The following DNAH3 variants were observed in gnomAD, a reference collection of about 807,000 sequenced individuals.
DNAH3 encodes dynein axonemal heavy chain 3.
A neutral mutation model predicts 432.5 loss-of-function variants in DNAH3; 332 were observed. The observed-to-expected ratio is 0.77, with a 90% CI of 0.70 to 0.84. The LOEUF is 0.84. Among genes scored for constraint, DNAH3 ranks in the 40% least tolerant of loss-of-function variants. The pLI, the probability that DNAH3 is intolerant of heterozygous loss-of-function variation, is 0.00. For synonymous variants in DNAH3, 1,956 were observed against 1,900.2 expected, an observed-to-expected ratio of 1.03 and a Z score of -0.76; for missense variants, 4,861 against 5,114.0, an observed-to-expected ratio of 0.95 and a Z score of 1.51.
intron 21 of DNAH3, among the ~76,000 whole-genome samples, chr16:21,071,095 G>T: frequency 6.6e-6 from 1 of 150,618 alleles, no homozygotes; most frequent in East Asian, 2.0e-4. Flanking sequence ...CAGGCTGGAG[G>T]GCACCAGCAG....
Position 21,132,715 on chromosome 16 carries a change from T to C in DNAH3, c.1082+1544A>G, listed in dbSNP as rs1296232037. 2.0e-5 allele frequency among the ~76,000 whole-genome samples: 3 copies of C among 152,110 alleles called. No homozygotes were observed. In the East Asian group the frequency reaches 5.8e-4, roughly 29 times the overall value. ...CAAATCCATAGAGACAGAAAATCACTTAGTGGTTGGGAGGAAATGGGGGAA... is the reference window on the plus strand; with the variant it reads ...CAAATCCATAGAGACAGAAAATCACCTAGTGGTTGGGAGGAAATGGGGGAA... On this transcript the variant is annotated intron_variant, in intron 7 of 61. Transcript: ENST00000261383.
Position 21,154,812 on chromosome 16 carries a change from C to T in DNAH3, c.117+4513G>A, listed in dbSNP as rs115887683. On this transcript the variant is annotated intron_variant, in intron 1 of 61. Coordinates refer to ENST00000261383, the Ensembl canonical transcript of DNAH3. ...TGAGGAAAGGTGGAAAATAAAGTATCTGCCAAAGAGAGTGAAAGTGACTTC... is the reference window on the plus strand; with the variant it reads ...TGAGGAAAGGTGGAAAATAAAGTATTTGCCAAAGAGAGTGAAAGTGACTTC... Among the ~76,000 whole-genome samples, 766 of 152,310 alleles carry T rather than the reference C, an allele frequency of 5.0e-3. 5 individuals carry two copies. The highest frequency in any genetic ancestry group is 0.017 in the African/African-American group (701 of 41,568).
chr16:21,142,250 C>A (rs1459856325), intron 3 of DNAH3, among the ~76,000 whole-genome samples: 1 of 151,948 alleles, frequency 6.6e-6, no homozygotes, highest in African/African-American at 2.4e-5. Context: ...GCCTGTAATC[C>A]CAGCTACTCA....
exon 53 of DNAH3, chr16:20,963,966 AAAG>A (rs747310830): frequency 1.2e-6 from 2 of 1,614,174 alleles, no homozygotes; most frequent in Non-Finnish European, 1.7e-6. Flanking sequence ...CCGAGATACA[AAAG>A]AAGATGGTGG....
chr16:20,935,298 T>TTCCTTTG (rs891158823), intron 61 of DNAH3, 50 bp downstream of exon 61: 1 of 1,601,602 alleles, frequency 6.2e-7, no homozygotes, highest in African/African-American at 1.3e-5. Context: ...TTGGCAACAT[T>TTCCTTTG]GCTTTCTCTG....
At chr16:21,005,463 C>A (rs2087249755) in intron 41 of DNAH3, among the ~76,000 whole-genome samples, 1 of 151,996 alleles carries the variant, frequency 6.6e-6, no homozygotes, top group Admixed American at 6.6e-5. Context: ...TTCACTACAG[C>A]CTCAACCTCC....
At chr16:21,088,541 G>A (rs1009897239) in intron 18 of DNAH3, among the ~76,000 whole-genome samples, 1 of 152,168 alleles carries the variant, frequency 6.6e-6, no homozygotes, top group African/African-American at 2.4e-5. Context: ...TACAACAAGA[G>A]AGAAGAACAT....
intron 18 of DNAH3, among the ~76,000 whole-genome samples, chr16:21,088,283 T>G (rs1264753274): frequency 6.6e-6 from 1 of 152,152 alleles, no homozygotes; most frequent in Admixed American, 6.6e-5. Context: ...AACAAGTGAG[T>G]AGCCTGTACT....
chr16:21,075,494 A>G, exon 21 of DNAH3: 1 of 1,614,072 alleles, frequency 6.2e-7, no homozygotes, highest in Non-Finnish European at 8.5e-7. Context: ...ACCCAATCCA[A>G]CTTCATTCTA....
chr16:20,989,088 G>C (rs1037699560), intron 44 of DNAH3, among the ~76,000 whole-genome samples: 5 of 152,222 alleles, frequency 3.3e-5, no homozygotes, highest in Non-Finnish European at 7.3e-5. Flanking sequence ...AGCTTCCACA[G>C]TGCGGAAAGA....
chr16:20,965,072 C>T (rs986667898), exon 53 of DNAH3: 7 of 1,614,006 alleles, frequency 4.3e-6, no homozygotes, highest in Non-Finnish European at 5.9e-6. Context: ...TCATTCAGGG[C>T]CTGGAGCCGA....
At chr16:21,049,752 C>G in intron 30 of DNAH3, 70 bp from the exon 31 acceptor site, 14 of 1,449,762 alleles carry the variant, frequency 9.7e-6, no homozygotes, top group Non-Finnish European at 1.3e-5. Context: ...CCGCACCATT[C>G]AACAGCAGTG....
chr16:21,128,150 A>C (rs1354771410), intron 7 of DNAH3, among the ~76,000 whole-genome samples: 1 of 152,044 alleles, frequency 6.6e-6, no homozygotes, highest in South Asian at 2.1e-4. Context: ...AAATGGACGA[A>C]TCAATGTTCT....
At chr16:21,022,050 G>T in exon 40 of DNAH3, 2 of 1,613,994 alleles carry the variant, frequency 1.2e-6, no homozygotes, top group Non-Finnish European at 1.7e-6. Flanking sequence ...TACAATGAAG[G>T]CGACCAAATT....
chr16:21,150,308 C>T (rs1429592147), intron 1 of DNAH3: 3 of 455,382 alleles, frequency 6.6e-6, no homozygotes, highest in South Asian at 1.6e-5. Context: ...ATGAGCAATC[C>T]ATGTCACCCA....
At chr16:20,956,178 T>C (rs2084555772) in intron 54 of DNAH3, among the ~76,000 whole-genome samples, 1 of 152,132 alleles carries the variant, frequency 6.6e-6, no homozygotes, top group East Asian at 1.9e-4. Context: ...TCCACCCACC[T>C]CGGCCCCCCA....
At chr16:21,059,688 T>C (rs367826268) in intron 26 of DNAH3, among the ~76,000 whole-genome samples, 17 of 150,918 alleles carry the variant, frequency 1.1e-4, no homozygotes, top group African/African-American at 3.9e-4. Context: ...GGCAGGAGAA[T>C]CGCTTGAACC....
At chr16:21,062,939 C>T in intron 24 of DNAH3, 1 of 435,732 alleles carries the variant, frequency 2.3e-6, no homozygotes, top group Non-Finnish European at 4.1e-6. Context: ...CCTCTCTCCT[C>T]AGCCTCCTGA....
chr16:21,067,218 A>C, intron 24 of DNAH3, 65 bp downstream of exon 24: 1 of 1,586,488 alleles, frequency 6.3e-7, no homozygotes, highest in Middle Eastern at 1.9e-4. Context: ...TTGGCATGAA[A>C]AATGTAATTC....
Sources: gnomAD v4.1 joint callset for allele counts (sites outside exome capture counted in the v4.1 genomes callset) on GRCh38, gnomAD v4.1.1 for gene constraint, MANE v1.5 for transcripts, NCBI Gene and HGNC (gene_info 2026-07-23, HGNC 2026-07-21) for gene names.